GALNTL6: variants seen among roughly 807,000 people sequenced by gnomAD.
GALNTL6 encodes the protein polypeptide N-acetylgalactosaminyltransferase-like 6.
In GALNTL6, 46 loss-of-function variants were observed where a neutral mutation model predicts 73.7. That is an observed-to-expected ratio of 0.62 (90% confidence interval 0.49 to 0.80). The LOEUF (loss-of-function observed/expected upper bound fraction) is 0.80, where lower values mean the gene tolerates loss of function less well. GALNTL6 is among the 30% of genes least tolerant of loss of function. GALNTL6 has a pLI of 0.00. For synonymous variants in GALNTL6, 259 were observed against 263.7 expected, an observed-to-expected ratio of 0.98 and a Z score of 0.17; for missense variants, 604 against 755.0, an observed-to-expected ratio of 0.80 and a Z score of 2.34.
chr4:172,931,959 T>G (rs1052116271), intron 9 of GALNTL6, among the ~76,000 whole-genome samples: 2 of 152,232 alleles, frequency 1.3e-5, no homozygotes, highest in African/African-American at 2.4e-5. Context: ...GCTTTCCATA[T>G]TACTTTCTTC....
chr4:172,636,555 C>T (rs1739693948), intron 5 of GALNTL6, among the ~76,000 whole-genome samples: 1 of 152,062 alleles, frequency 6.6e-6, no homozygotes, highest in African/African-American at 2.4e-5. Context: ...AAGCAGAGGT[C>T]AGAGTGAAAT....
In GALNTL6 at chr4:172,437,338, G is replaced by A. The variant is rs80325834; in HGVS notation, c.553+88649G>A. Among the ~76,000 whole-genome samples the A allele has an allele frequency of 2.6e-4, 40 of 152,136 alleles. 1 individual carries two copies. Among genetic ancestry groups the A allele is most frequent in the African/African-American group, 9.4e-4 (39 of 41,526 alleles). ...GATGGGTTAGCACTTTCTTTGCTCTGGGTGGGAGTTCACCCTCAAATCCTT... is the reference window on the plus strand; with the variant it reads ...GATGGGTTAGCACTTTCTTTGCTCTAGGTGGGAGTTCACCCTCAAATCCTT... On this transcript the variant is annotated intron_variant, in intron 5 of 12. Transcript: ENST00000506823.
chr4:172,224,890 G>A (rs1205138436), intron 2 of GALNTL6, among the ~76,000 whole-genome samples: 1 of 151,954 alleles, frequency 6.6e-6, no homozygotes, highest in Non-Finnish European at 1.5e-5. Context: ...AGTTTCAATG[G>A]GCTCTGGGAT....
intron 5 of GALNTL6, among the ~76,000 whole-genome samples, chr4:172,463,560 C>G (rs998410855): frequency 2.6e-5 from 4 of 152,252 alleles, no homozygotes; most frequent in Middle Eastern, 6.8e-3. Flanking sequence ...ATGCACTGTA[C>G]TAGATTACAG....
chr4:172,994,155 T>C (rs1165618538), intron 10 of GALNTL6, among the ~76,000 whole-genome samples: 1 of 143,708 alleles, frequency 7.0e-6, no homozygotes, highest in Non-Finnish European at 1.6e-5. Flanking sequence ...ATCAGATTAC[T>C]ACAATAACTG....
At chr4:173,030,114 G>A (rs1390300741) in intron 12 of GALNTL6, among the ~76,000 whole-genome samples, 1 of 151,684 alleles carries the variant, frequency 6.6e-6, no homozygotes, top group Non-Finnish European at 1.5e-5. Flanking sequence ...GATGCCCAAT[G>A]TCTGCAACAT....
At chr4:172,193,934 CA>C (rs1735666460) in intron 2 of GALNTL6, among the ~76,000 whole-genome samples, 1 of 152,176 alleles carries the variant, frequency 6.6e-6, no homozygotes, top group South Asian at 2.1e-4. Flanking sequence ...GCCTCTTCTC[CA>C]AATGATCGCA....
chr4:172,666,927 C>T (rs892702584), intron 5 of GALNTL6: 1 of 152,198 alleles, frequency 6.6e-6, no homozygotes, highest in African/African-American at 2.4e-5. Context: ...GAGGCAGATT[C>T]TGAGGAGGGT....
At chr4:171,940,809 T>C (rs955656308) in intron 2 of GALNTL6, among the ~76,000 whole-genome samples, 48 of 133,310 alleles carry the variant, frequency 3.6e-4, no homozygotes, top group Non-Finnish European at 2.1e-4. Context: ...CAGAGCAAGA[T>C]TCCATCTCAG....
At chr4:172,344,510 C>T (rs1741675032) in intron 4 of GALNTL6, among the ~76,000 whole-genome samples, 1 of 152,218 alleles carries the variant, frequency 6.6e-6, no homozygotes, top group Admixed American at 6.5e-5. Flanking sequence ...AAGGGCTAAT[C>T]TTTCTGCTTC....
chr4:172,132,867 T>C (rs1340254458), intron 2 of GALNTL6, among the ~76,000 whole-genome samples: 2 of 152,280 alleles, frequency 1.3e-5, no homozygotes, highest in Admixed American at 1.3e-4. Context: ...TTTCCCCTAA[T>C]CAAATTTCAA....
chr4:171,847,970 C>A (rs1277186038), intron 2 of GALNTL6, among the ~76,000 whole-genome samples: 1 of 152,146 alleles, frequency 6.6e-6, no homozygotes, highest in Non-Finnish European at 1.5e-5. Context: ...ATGGTGAATC[C>A]TTTCTGGAAG....
At chr4:171,975,599 A>C (rs1560867251) in intron 2 of GALNTL6, among the ~76,000 whole-genome samples, 1 of 152,164 alleles carries the variant, frequency 6.6e-6, no homozygotes, top group East Asian at 1.9e-4. Flanking sequence ...GAAAAGCAAA[A>C]GCAAAAGAAA....
intron 5 of GALNTL6, among the ~76,000 whole-genome samples, chr4:172,756,675 G>T (rs1034415395): frequency 6.6e-6 from 1 of 151,936 alleles, no homozygotes; most frequent in African/African-American, 2.4e-5. Context: ...TCTACAGTTG[G>T]CAGAAGAGTT....
chr4:172,217,750 A>C (rs974462005), intron 2 of GALNTL6, among the ~76,000 whole-genome samples: 5 of 152,128 alleles, frequency 3.3e-5, no homozygotes, highest in African/African-American at 1.2e-4. Flanking sequence ...ATTTTGTCCT[A>C]TATGAATATA....
At chr4:172,503,526 GTATATA>G (rs3083398) in intron 5 of GALNTL6, among the ~76,000 whole-genome samples, 1 of 85,958 alleles carries the variant, frequency 1.2e-5, no homozygotes, top group Middle Eastern at 6.8e-3. Context: ...ACATAGAGTA[GTATATA>G]TATATATATA....
chr4:171,877,217 T>G (rs75487760), intron 2 of GALNTL6, among the ~76,000 whole-genome samples: 1,601 of 152,284 alleles, frequency 0.011, 32 homozygotes, highest in African/African-American at 0.037. Flanking sequence ...CACAAAATGT[T>G]CTGGAAACTA....
At chr4:172,373,124 C>T (rs1387754226) in intron 5 of GALNTL6, among the ~76,000 whole-genome samples, 1 of 152,192 alleles carries the variant, frequency 6.6e-6, no homozygotes, top group Non-Finnish European at 1.5e-5. Flanking sequence ...GAGAAGTGGC[C>T]TAGATCTTGG....
chr4:172,964,951 G>A (rs1234917420), intron 10 of GALNTL6, among the ~76,000 whole-genome samples: 1 of 152,222 alleles, frequency 6.6e-6, no homozygotes, highest in Non-Finnish European at 1.5e-5. Context: ...CAGGAAAGCT[G>A]CAAAGTGAGA....
Sources: gnomAD v4.1 joint callset for allele counts (sites outside exome capture counted in the v4.1 genomes callset) on GRCh38, gnomAD v4.1.1 for gene constraint, MANE v1.5 for transcripts, NCBI Gene and HGNC (gene_info 2026-07-23, HGNC 2026-07-21) for gene names.